The following RAI14 variants were observed in gnomAD, a reference collection of about 807,000 sequenced individuals.
RAI14 encodes retinoic acid induced 14.
Under a neutral mutation model 115.4 loss-of-function variants are expected in RAI14, and 45 were observed. That is an observed-to-expected ratio of 0.39 (90% confidence interval 0.31 to 0.50). The LOEUF is 0.50. RAI14 is among the 20% of genes least tolerant of loss of function. The pLI, the probability that RAI14 is intolerant of heterozygous loss-of-function variation, is 0.85. For missense variants in RAI14, 939 were observed against 1,131.2 expected, an observed-to-expected ratio of 0.83 and a Z score of 2.44; for synonymous variants, 371 against 415.4, an observed-to-expected ratio of 0.89 and a Z score of 1.30.
intron 3 of RAI14, among the ~76,000 whole-genome samples, chr5:34,776,969 G>GACC (rs1211621674): frequency 6.6e-6 from 1 of 152,050 alleles, no homozygotes; most frequent in African/African-American, 2.4e-5. Context: ...AGAAGTTCGA[G>GACC]ACCAGCCTGG....
At chr5:34,707,949 A>G (rs1433730842) in intron 2 of RAI14, among the ~76,000 whole-genome samples, 2 of 152,166 alleles carry the variant, frequency 1.3e-5, no homozygotes. Flanking sequence ...GAAGAAAGAG[A>G]GGGAATGTTG....
chr5:34,712,867 G>A (rs1056186217), intron 2 of RAI14, among the ~76,000 whole-genome samples: 23 of 151,910 alleles, frequency 1.5e-4, no homozygotes, highest in Non-Finnish European at 3.2e-4. Flanking sequence ...TATGCCATGC[G>A]GTATTATTTT....
chr5:34,754,672 A>C (rs1747651634), intron 2 of RAI14, among the ~76,000 whole-genome samples: 1 of 152,148 alleles, frequency 6.6e-6, no homozygotes, highest in Non-Finnish European at 1.5e-5. Flanking sequence ...AGAAAAGTAA[A>C]TTCTGGCCTG....
intron 3 of RAI14, among the ~76,000 whole-genome samples, chr5:34,794,998 A>G (rs1276865478): frequency 2.0e-5 from 3 of 152,254 alleles, no homozygotes; most frequent in Non-Finnish European, 4.4e-5. Context: ...GAGAAGAACT[A>G]GAAGGCTCAT....
chr5:34,687,377 T>C (rs1166786395), intron 2 of RAI14, among the ~76,000 whole-genome samples: 1 of 152,112 alleles, frequency 6.6e-6, no homozygotes, highest in Non-Finnish European at 1.5e-5. Flanking sequence ...TTAGGAAACG[T>C]GTTCAACTCT....
chr5:34,748,708 A>G (rs780666138), intron 2 of RAI14, among the ~76,000 whole-genome samples: 1 of 152,050 alleles, frequency 6.6e-6, no homozygotes, highest in Non-Finnish European at 1.5e-5. Flanking sequence ...CATGCCTATA[A>G]TCCAGCCCTT....
chr5:34,829,969 T>G (rs1757857056), intron 17 of RAI14, 172 bp downstream of exon 17: 1 of 560,484 alleles, frequency 1.8e-6, no homozygotes, highest in Non-Finnish European at 3.1e-6. Flanking sequence ...GTCAGGAGCC[T>G]TGTGCCCTGT....
At chr5:34,753,209 T>A (rs895178775) in intron 2 of RAI14, among the ~76,000 whole-genome samples, 2 of 152,094 alleles carry the variant, frequency 1.3e-5, no homozygotes, top group African/African-American at 4.8e-5. Flanking sequence ...ATTTTGTTAG[T>A]TTGATGGTGG....
chr5:34,688,068 G>A, intron 2 of RAI14: 1 of 1,448,304 alleles, frequency 6.9e-7, no homozygotes, highest in South Asian at 1.5e-5. Context: ...TATCCTTTAG[G>A]TAAATTAAAT....
intron 4 of RAI14, among the ~76,000 whole-genome samples, chr5:34,799,634 CT>C (rs1561051442): frequency 6.8e-6 from 1 of 147,588 alleles, no homozygotes; most frequent in East Asian, 2.0e-4. Context: ...TAATTTCCTA[CT>C]TTTTAAACTT....
chr5:34,694,997 C>T (rs947934551), intron 2 of RAI14, among the ~76,000 whole-genome samples: 9 of 152,114 alleles, frequency 5.9e-5, no homozygotes, highest in African/African-American at 2.2e-4. Context: ...CTCTGGAGTT[C>T]AAGTGATTCT....
At chr5:34,719,610 C>T (rs1009255712) in intron 2 of RAI14, among the ~76,000 whole-genome samples, 9 of 152,126 alleles carry the variant, frequency 5.9e-5, no homozygotes, top group Admixed American at 2.0e-4. Flanking sequence ...CGTGGTTGCA[C>T]GCTGGACTAA....
At chr5:34,772,363 G>A (rs566148967) in intron 3 of RAI14, among the ~76,000 whole-genome samples, 19 of 152,236 alleles carry the variant, frequency 1.2e-4, no homozygotes, top group Admixed American at 6.5e-4. Flanking sequence ...AAGTGATTGT[G>A]GTTTTTGCCA....
chr5:34,753,619 A>C (rs918253121), intron 2 of RAI14, among the ~76,000 whole-genome samples: 3 of 152,088 alleles, frequency 2.0e-5, no homozygotes, highest in African/African-American at 7.2e-5. Context: ...ATCTCTACTG[A>C]AAATACAAAA....
intron 3 of RAI14, among the ~76,000 whole-genome samples, chr5:34,764,121 G>A (rs1749037751): frequency 6.6e-6 from 1 of 152,176 alleles, no homozygotes; most frequent in Non-Finnish European, 1.5e-5. Context: ...AAAGTGCTGG[G>A]ATTACAGGCG....
chr5:34,813,808 G>A (rs1755873450), intron 11 of RAI14, 148 bp downstream of exon 11: 1 of 480,238 alleles, frequency 2.1e-6, no homozygotes, highest in South Asian at 6.1e-5. Context: ...ATTACAAATT[G>A]TGGTAAGAAG....
At chr5:34,680,914 ATG>A (rs2149872138) in intron 1 of RAI14, among the ~76,000 whole-genome samples, 1 of 152,310 alleles carries the variant, frequency 6.6e-6, no homozygotes, top group South Asian at 2.1e-4. Context: ...GAGTGTTTGT[ATG>A]TATTTAAAAT....
At chr5:34,809,964 T>G (rs1755386438) in intron 7 of RAI14, among the ~76,000 whole-genome samples, 1 of 152,126 alleles carries the variant, frequency 6.6e-6, no homozygotes, top group Non-Finnish European at 1.5e-5. Flanking sequence ...AGAACTGACA[T>G]GCATACACTT....
intron 1 of RAI14, among the ~76,000 whole-genome samples, chr5:34,663,056 G>GTAGT (rs1742825388): frequency 6.6e-6 from 1 of 152,078 alleles, no homozygotes; most frequent in Non-Finnish European, 1.5e-5. Flanking sequence ...TCTTCCCTTT[G>GTAGT]TAGTTAGTCA....
Sources: gnomAD v4.1 joint callset for allele counts (sites outside exome capture counted in the v4.1 genomes callset) on GRCh38, gnomAD v4.1.1 for gene constraint, MANE v1.5 for transcripts, NCBI Gene and HGNC (gene_info 2026-07-23, HGNC 2026-07-21) for gene names.